Variants in PPM1B observed in about 807,000 individuals in gnomAD.
PPM1B encodes the protein protein phosphatase 1B.
A neutral mutation model predicts 43.0 loss-of-function variants in PPM1B; 22 were observed. The ratio of observed to expected loss-of-function variants is 0.51; its 90% CI spans 0.37 to 0.73. PPM1B has a LOEUF of 0.73. Ranked by LOEUF, PPM1B falls within the 30% of genes least tolerant of loss-of-function variation. The probability of loss-of-function intolerance (pLI) is 0.00; values close to 1 mark genes in which losing one functional copy is unlikely to be tolerated. For synonymous variants in PPM1B, 217 were observed against 197.9 expected, an observed-to-expected ratio of 1.10 and a Z score of -0.81; for missense variants, 632 against 584.2, an observed-to-expected ratio of 1.08 and a Z score of -0.84.
intron 1 of PPM1B, among the ~76,000 whole-genome samples, chr2:44,170,106 T>C (rs1667256221): frequency 6.6e-6 from 1 of 152,206 alleles, no homozygotes; most frequent in African/African-American, 2.4e-5. Context: ...TATTTCTTCA[T>C]TTTTTAAACT....
intron 1 of PPM1B, among the ~76,000 whole-genome samples, chr2:44,183,269 T>A (rs1318623252): frequency 2.6e-5 from 4 of 152,248 alleles, no homozygotes; most frequent in Non-Finnish European, 5.9e-5. Context: ...GACTGTCCCA[T>A]GTGCATGTTC....
chr2:44,234,479 A>G (rs1670555679), downstream of PPM1B: 2 of 871,378 alleles, frequency 2.3e-6, no homozygotes, highest in South Asian at 5.3e-5. Context: ...AGATCGCGCC[A>G]CTGCACTCCA....
At position 44,201,661 on chromosome 2, in the gene PPM1B, T is replaced by C; in HGVS notation, c.462T>C (p.Ala154=). Residue 154 remains alanine, a synonymous_variant, in exon 2 of 6, where the codon GCT becomes GCC. Transcript: ENST00000282412. The surrounding 1 kb of genome is among the most constrained non-coding windows in gnomAD (Gnocchi z 5.4). The part of the protein sequence containing the change: ...IYFINCGDSR[A]VLYRNGQVCF... ...TTATCAACTGTGGTGATTCACGTGCTGTTCTGTATAGGAATGGACAAGTCT... is the reference window on the plus strand; with the variant it reads ...TTATCAACTGTGGTGATTCACGTGCCGTTCTGTATAGGAATGGACAAGTCT... The C allele has an allele frequency of 1.2e-6, 2 of 1,614,240 alleles. No homozygotes were observed. The highest frequency in any genetic ancestry group is 1.7e-6 in the Non-Finnish European group (2 of 1,180,042).
At chr2:44,233,957 T>G, downstream of PPM1B, 1 of 985,392 alleles carries the variant, frequency 1.0e-6, no homozygotes, top group Non-Finnish European at 1.2e-6. Context: ...TCCACTCTGA[T>G]CCAACCCTGT....
intron 1 of PPM1B, among the ~76,000 whole-genome samples, chr2:44,189,247 A>C (rs1015702287): frequency 6.6e-6 from 1 of 152,136 alleles, no homozygotes; most frequent in African/African-American, 2.4e-5. Flanking sequence ...TAGAGAATTC[A>C]TCTTAAGTTT....
At chr2:44,229,937 T>C (rs955942487) in intron 5 of PPM1B, 3 of 1,417,550 alleles carry the variant, frequency 2.1e-6, no homozygotes, top group Non-Finnish European at 2.8e-6. Flanking sequence ...CTAAAATCTT[T>C]CAAAAATCTG....
At chr2:44,169,786 A>G (rs983497067) in intron 1 of PPM1B, among the ~76,000 whole-genome samples, 1 of 151,994 alleles carries the variant, frequency 6.6e-6, no homozygotes, top group African/African-American at 2.4e-5. Context: ...TTCCCTCCTT[A>G]GTGGCTTTAA....
At chr2:44,244,466 A>G, downstream of PPM1B, 1 of 977,726 alleles carries the variant, frequency 1.0e-6, no homozygotes, top group Non-Finnish European at 1.3e-6. Context: ...CTTCAAAATC[A>G]TATTTTTTCC....
intron 5 of PPM1B, among the ~76,000 whole-genome samples, chr2:44,227,947 A>C (rs1275123728): frequency 8.7e-6 from 1 of 114,918 alleles, no homozygotes; most frequent in African/African-American, 3.3e-5. Flanking sequence ...TTTGAGATAG[A>C]GTCTCACTTT....
intron 1 of PPM1B, among the ~76,000 whole-genome samples, chr2:44,199,950 C>T (rs1280972042): frequency 6.6e-6 from 1 of 151,926 alleles, no homozygotes; most frequent in Non-Finnish European, 1.5e-5. Flanking sequence ...TGGAAAAAAT[C>T]TCACAAAGAT....
At chr2:44,191,863 T>C (rs1668418519) in intron 1 of PPM1B, among the ~76,000 whole-genome samples, 1 of 152,176 alleles carries the variant, frequency 6.6e-6, no homozygotes, top group Admixed American at 6.5e-5. Flanking sequence ...GTTTTATCTT[T>C]ATCACCAGTG....
chr2:44,200,825 T>G (rs1668898308), intron 1 of PPM1B, among the ~76,000 whole-genome samples: 1 of 152,250 alleles, frequency 6.6e-6, no homozygotes, highest in African/African-American at 2.4e-5. Context: ...CCTTGTAAAT[T>G]AAATCAGAAT....
chr2:44,204,662 TC>T (rs1669083263), intron 2 of PPM1B, among the ~76,000 whole-genome samples: 1 of 151,968 alleles, frequency 6.6e-6, no homozygotes, highest in Non-Finnish European at 1.5e-5. Flanking sequence ...ATCGAGACCA[TC>T]CTGGCTAACG....
chr2:44,194,743 G>T (rs1035889660), intron 1 of PPM1B, among the ~76,000 whole-genome samples: 2 of 152,078 alleles, frequency 1.3e-5, no homozygotes, highest in Non-Finnish European at 2.9e-5. Flanking sequence ...AGAAGGCTGA[G>T]CAGGCTGAGC....
intron 2 of PPM1B, among the ~76,000 whole-genome samples, chr2:44,203,686 A>C (rs1157473904): frequency 3.3e-5 from 5 of 152,126 alleles, no homozygotes; most frequent in Admixed American, 3.3e-4. Context: ...CTTTTCCAAC[A>C]ATATATTGTA....
intron 5 of PPM1B, among the ~76,000 whole-genome samples, chr2:44,241,577 C>A (rs1344136642): frequency 1.4e-5 from 2 of 141,516 alleles, no homozygotes; most frequent in African/African-American, 5.0e-5. Flanking sequence ...ACTAAAAATA[C>A]AAAAATTAGC....
intron 1 of PPM1B, among the ~76,000 whole-genome samples, chr2:44,190,430 A>T (rs1217026502): frequency 1.3e-5 from 2 of 152,178 alleles, no homozygotes; most frequent in Admixed American, 6.5e-5. Context: ...AAGTGTTGGG[A>T]TTACAGGCGT....
At chr2:44,233,306 TAC>T, downstream of PPM1B, 3 of 952,262 alleles carry the variant, frequency 3.2e-6, no homozygotes, top group Non-Finnish European at 3.8e-6. Context: ...AAGGAAATAC[TAC>T]AGAGATATTT....
chr2:44,218,397 T>A (rs1669822090), intron 4 of PPM1B, 83 bp from the exon 5 acceptor site: 2 of 1,030,106 alleles, frequency 1.9e-6, no homozygotes, highest in South Asian at 1.4e-5. Context: ...TTTTTTAGTG[T>A]GGTCAGGATG....
Sources: allele counts gnomAD v4.1 joint callset (sites outside exome capture counted in the v4.1 genomes callset), GRCh38; gene constraint gnomAD v4.1.1; non-coding constraint Gnocchi (gnomAD v3.1); transcripts MANE v1.5; gene names NCBI Gene and HGNC (gene_info 2026-07-23, HGNC 2026-07-21).